TTC27: variants seen among roughly 807,000 people sequenced by gnomAD.
The protein encoded by TTC27 is tetratricopeptide repeat protein 27.
TTC27 carries 79 observed loss-of-function variants against 115.9 expected under a neutral mutation model. The ratio of observed to expected loss-of-function variants is 0.68; its 90% CI spans 0.57 to 0.82. The LOEUF (loss-of-function observed/expected upper bound fraction) is 0.82, where lower values mean the gene tolerates loss of function less well. Ranked by LOEUF, TTC27 falls within the 40% of genes least tolerant of loss-of-function variation. TTC27 has a pLI of 0.00. For synonymous variants in TTC27, 401 were observed against 356.0 expected (o/e 1.13, Z -1.42); for missense variants, 1,054 against 993.1 (o/e 1.06, Z -0.82).
chr2:32,674,599 A>T (rs561918078), intron 8 of TTC27, among the ~76,000 whole-genome samples: 1 of 152,110 alleles, frequency 6.6e-6, no homozygotes, highest in South Asian at 2.1e-4. Context: ...GATCACACAT[A>T]CAGAGTTCTG....
intron 12 of TTC27, among the ~76,000 whole-genome samples, chr2:32,750,877 T>C (rs576802739): frequency 1.2e-4 from 18 of 152,336 alleles, no homozygotes; most frequent in African/African-American, 4.3e-4. Context: ...TCAGTTGACA[T>C]TGGCACAGAA....
intron 5 of TTC27, among the ~76,000 whole-genome samples, chr2:32,651,462 T>C (rs1380169403): frequency 6.6e-6 from 1 of 152,190 alleles, no homozygotes; most frequent in Non-Finnish European, 1.5e-5. Context: ...TTCTCCTGCC[T>C]CAGCCTCCTG....
At chr2:32,732,687 CT>C (rs1668328513) in intron 10 of TTC27, among the ~76,000 whole-genome samples, 1 of 152,158 alleles carries the variant, frequency 6.6e-6, no homozygotes, top group Non-Finnish European at 1.5e-5. Flanking sequence ...GTGCAACTGT[CT>C]TTTGCATCCC....
chr2:32,795,359 T>G (rs753791498), intron 16 of TTC27, among the ~76,000 whole-genome samples: 1 of 151,912 alleles, frequency 6.6e-6, no homozygotes, highest in Non-Finnish European at 1.5e-5. Context: ...CTCACCTGAT[T>G]ATCTCAATTA....
At chr2:32,700,930 A>G (rs1418381171) in intron 9 of TTC27, among the ~76,000 whole-genome samples, 1 of 152,056 alleles carries the variant, frequency 6.6e-6, no homozygotes, top group African/African-American at 2.4e-5. Context: ...CTTCTCTTTC[A>G]TATTTTTATA....
At chr2:32,660,140 A>G (rs1048458608) in intron 5 of TTC27, among the ~76,000 whole-genome samples, 1 of 152,112 alleles carries the variant, frequency 6.6e-6, no homozygotes, top group Non-Finnish European at 1.5e-5. Flanking sequence ...CGACAGAGTA[A>G]AAGTGTTCCT....
chr2:32,747,211 A>G (rs1668860823), intron 12 of TTC27, among the ~76,000 whole-genome samples: 1 of 152,080 alleles, frequency 6.6e-6, no homozygotes, highest in Non-Finnish European at 1.5e-5. Context: ...AATCCTGAGT[A>G]CCCTAGCATT....
chr2:32,658,184 GTAA>G (rs1461341800), intron 5 of TTC27, among the ~76,000 whole-genome samples: 3 of 152,184 alleles, frequency 2.0e-5, no homozygotes, highest in African/African-American at 7.2e-5. Flanking sequence ...GTGCAGTGGT[GTAA>G]TAATATCTCA....
chr2:32,730,141 G>A (rs979107509), intron 10 of TTC27, among the ~76,000 whole-genome samples: 4 of 152,128 alleles, frequency 2.6e-5, no homozygotes, highest in Non-Finnish European at 5.9e-5. Context: ...TCTTCTTCCA[G>A]GCTATTTGGG....
chr2:32,803,732 G>A (rs939332535), intron 16 of TTC27, among the ~76,000 whole-genome samples: 8 of 152,090 alleles, frequency 5.3e-5, no homozygotes, highest in Admixed American at 1.3e-4. Context: ...AATGTAGGCC[G>A]GGCACGGTGG....
At chr2:32,814,886 G>A (rs1001643950) in intron 18 of TTC27, among the ~76,000 whole-genome samples, 1 of 152,086 alleles carries the variant, frequency 6.6e-6, no homozygotes, top group African/African-American at 2.4e-5. Context: ...TTCTTACACC[G>A]TATCCCCATC....
intron 16 of TTC27, among the ~76,000 whole-genome samples, chr2:32,793,923 T>A (rs1670619966): frequency 1.3e-5 from 2 of 152,226 alleles, no homozygotes; most frequent in African/African-American, 4.8e-5. Flanking sequence ...AGTAGTATTG[T>A]AACTTTGTTT....
intron 5 of TTC27, among the ~76,000 whole-genome samples, chr2:32,652,992 C>G (rs372507073): frequency 1.3e-5 from 2 of 152,106 alleles, no homozygotes; most frequent in African/African-American, 4.8e-5. Flanking sequence ...GGGCTGATTA[C>G]ATCTATAATA....
At position 32,650,220 on chromosome 2, in the gene TTC27, CTG is replaced by C; in HGVS notation, c.629_630del (p.Cys210TyrfsTer2). 1.9e-6 allele frequency: 3 copies of C among 1,613,626 alleles called. No homozygotes were observed. The highest frequency in any genetic ancestry group is 2.5e-6 in the Non-Finnish European group (3 of 1,179,784). ...SPLLFTLAEN[C>X]IDQVMKLQNL... is the part of the protein sequence containing the mutation. ...CTCTGCTTTTTACTCTTGCCGAAAA[CTG>C]TATTGATCAAGGTATGTAGCAGATT... On this transcript the variant is annotated frameshift_variant, in exon 5 of 20. Coordinates refer to ENST00000317907, the MANE Select transcript of TTC27 (RefSeq NM_017735.5). LOFTEE classifies it high-confidence loss of function.
At chr2:32,703,032 A>T in intron 10 of TTC27, 112 bp downstream of exon 10, 1 of 763,636 alleles carries the variant, frequency 1.3e-6, no homozygotes, top group Non-Finnish European at 2.2e-6. Context: ...TCACTCAAAT[A>T]ATTTGTTACT....
At chr2:32,706,808 C>T (rs745873021) in intron 10 of TTC27, among the ~76,000 whole-genome samples, 1 of 152,184 alleles carries the variant, frequency 6.6e-6, no homozygotes, top group Non-Finnish European at 1.5e-5. Flanking sequence ...AGGTGATCCA[C>T]CTGCCTCGAC....
intron 10 of TTC27, among the ~76,000 whole-genome samples, chr2:32,718,857 G>A (rs906122184): frequency 6.6e-6 from 1 of 152,198 alleles, no homozygotes; most frequent in Non-Finnish European, 1.5e-5. Flanking sequence ...CACTCTTGCT[G>A]TTATAACAAA....
chr2:32,636,502 T>C (rs904921314), intron 3 of TTC27, among the ~76,000 whole-genome samples: 6 of 152,214 alleles, frequency 3.9e-5, no homozygotes, highest in Non-Finnish European at 5.9e-5. Context: ...TGTGAGCCAC[T>C]GCGCCTGGCC....
At chr2:32,767,453 G>GTTTTTTTTTTTT (rs397754905) in intron 13 of TTC27, among the ~76,000 whole-genome samples, 7 of 114,228 alleles carry the variant, frequency 6.1e-5, no homozygotes, top group Non-Finnish European at 1.0e-4. Context: ...GTTTTTTTTT[G>GTTTTTTTTTTTT]TTTTTTTTTT....
Sources: gnomAD v4.1 joint callset for allele counts (sites outside exome capture counted in the v4.1 genomes callset) on GRCh38, gnomAD v4.1.1 for gene constraint, MANE v1.5 for transcripts, NCBI Gene and HGNC (gene_info 2026-07-23, HGNC 2026-07-21) for gene names.